The following MAML3 variants were observed in gnomAD, a reference collection of about 807,000 sequenced individuals.
MAML3 encodes mastermind-like protein 3.
A neutral mutation model predicts 101.9 loss-of-function variants in MAML3; 27 were observed. The ratio of observed to expected loss-of-function variants is 0.27; its 90% confidence interval spans 0.20 to 0.37. The LOEUF (loss-of-function observed/expected upper bound fraction) is 0.37, where lower values mean the gene tolerates loss of function less well. Ranked by LOEUF, MAML3 falls within the 10% of genes least tolerant of loss-of-function variation. The pLI, the probability that MAML3 is intolerant of heterozygous loss-of-function variation, is 1.00. For synonymous variants in MAML3, 501 were observed against 555.9 expected (o/e 0.90, Z 1.39); for missense variants, 1,316 against 1,444.9 (o/e 0.91, Z 1.45).
chr4:139,723,041 C>T (rs1728300241), intron 4 of MAML3, among the ~76,000 whole-genome samples: 1 of 152,188 alleles, frequency 6.6e-6, no homozygotes, highest in Non-Finnish European at 1.5e-5. Context: ...TAATTTAGCC[C>T]CAAAGGTGAA....
At chr4:139,885,481 T>C (rs1020819168) in intron 2 of MAML3, among the ~76,000 whole-genome samples, 2 of 152,106 alleles carry the variant, frequency 1.3e-5, no homozygotes, top group Non-Finnish European at 2.9e-5. Flanking sequence ...ACATATTCTA[T>C]GCCTGTAACA....
intron 2 of MAML3, among the ~76,000 whole-genome samples, chr4:139,847,232 T>C (rs1289632805): frequency 6.6e-6 from 1 of 152,064 alleles, no homozygotes; most frequent in Non-Finnish European, 1.5e-5. Context: ...AACAAAAATA[T>C]ATATATGGTT....
Position 139,864,421 on chromosome 4 carries a change from G to A in MAML3, c.2079+24936C>T, listed in dbSNP as rs546622214. On this transcript the variant is annotated intron_variant, in intron 2 of 4. Transcript: ENST00000509479. ...GGGCCAGGTGCGGCGGCTCACGCCTGTAATCCCAGCACTTTGGGAGGCCGA... is the reference window on the plus strand; with the variant it reads ...GGGCCAGGTGCGGCGGCTCACGCCTATAATCCCAGCACTTTGGGAGGCCGA... 5.3e-5 allele frequency among the ~76,000 whole-genome samples: 8 copies of A among 152,268 alleles called. No individual in the cohort carries two copies. The East Asian group carries it at 1.5e-3, about 29-fold the overall frequency.
rs373367746 is a variant in MAML3, at chr4:140,113,505, C to T, written c.468+39355G>A. 3.9e-5 allele frequency among the ~76,000 whole-genome samples: 6 copies of T among 152,232 alleles called. No individual in the cohort carries two copies. The South Asian group carries it at 1.0e-3, about 26-fold the overall frequency. On this transcript the variant is annotated intron_variant, in intron 1 of 4. Transcript: ENST00000509479. ...GCACTGTAGTAGACTATTTCTTCAA[C>T]GATGCCAGTCAGCCCTTCCACTGTT...
intron 1 of MAML3, among the ~76,000 whole-genome samples, chr4:140,104,408 A>ATATAATATATATATATTATATATG (rs368174569): frequency 3.6e-5 from 2 of 54,970 alleles, no homozygotes; most frequent in East Asian, 7.4e-4. Flanking sequence ...TATAATATAT[A>ATATAATATATATATATTATATATG]ATATAATATA....
intron 1 of MAML3, among the ~76,000 whole-genome samples, chr4:140,057,621 T>C (rs1364600880): frequency 6.6e-6 from 1 of 152,194 alleles, no homozygotes; most frequent in African/African-American, 2.4e-5. Context: ...AAATACCATA[T>C]TCTTGATGGT....
At chr4:140,035,860 C>T (rs932696968) in intron 1 of MAML3, among the ~76,000 whole-genome samples, 7 of 151,908 alleles carry the variant, frequency 4.6e-5, no homozygotes, top group African/African-American at 9.7e-5. Context: ...TGAGGTTGAA[C>T]GGTAATGCTT....
chr4:139,994,784 G>GT (rs1560860698), intron 1 of MAML3, among the ~76,000 whole-genome samples: 8 of 38,768 alleles, frequency 2.1e-4, no homozygotes, highest in African/African-American at 9.7e-5. Flanking sequence ...GTGCTGGTGG[G>GT]GGGTGTGTGT....
intron 1 of MAML3, among the ~76,000 whole-genome samples, chr4:140,101,956 A>G (rs1728259679): frequency 6.8e-6 from 1 of 147,764 alleles, no homozygotes; most frequent in Admixed American, 6.8e-5. Flanking sequence ...TGAAAAAGAG[A>G]TAACACAAGT....
chr4:139,901,625 C>T (rs139550386), intron 1 of MAML3, among the ~76,000 whole-genome samples: 186 of 152,208 alleles, frequency 1.2e-3, no homozygotes, highest in African/African-American at 4.3e-3. Flanking sequence ...GGCTTTCCTC[C>T]CCATAAGGGA....
At chr4:139,813,663 T>C (rs1202841445) in intron 2 of MAML3, among the ~76,000 whole-genome samples, 8 of 152,150 alleles carry the variant, frequency 5.3e-5, no homozygotes, top group Admixed American at 4.6e-4. Flanking sequence ...TCCACTGAAA[T>C]GGGGACTAAA....
chr4:140,146,036 G>A (rs57334639), intron 1 of MAML3, among the ~76,000 whole-genome samples: 6,413 of 151,108 alleles, frequency 0.042, 428 homozygotes, highest in African/African-American at 0.15. Flanking sequence ...ACCATCCCCA[G>A]CTAATTTTTG....
chr4:139,916,514 A>G (rs1237399890), intron 1 of MAML3, among the ~76,000 whole-genome samples: 1 of 152,192 alleles, frequency 6.6e-6, no homozygotes, highest in African/African-American at 2.4e-5. Flanking sequence ...GGATATCACT[A>G]CTGAAGCGCC....
chr4:140,087,276 C>T (rs367902623), intron 1 of MAML3, among the ~76,000 whole-genome samples: 10 of 152,314 alleles, frequency 6.6e-5, no homozygotes, highest in African/African-American at 2.4e-4. Context: ...AGGGTCCATG[C>T]TATCTTATAT....
At chr4:139,901,153 T>A (rs1182444653) in intron 1 of MAML3, among the ~76,000 whole-genome samples, 2 of 152,246 alleles carry the variant, frequency 1.3e-5, no homozygotes, top group African/African-American at 2.4e-5. Flanking sequence ...CAGATCTGGC[T>A]GATTCACAGA....
chr4:139,950,080 G>A (rs1733807442), intron 1 of MAML3, among the ~76,000 whole-genome samples: 1 of 152,106 alleles, frequency 6.6e-6, no homozygotes, highest in South Asian at 2.1e-4. Flanking sequence ...TTGATCTGTT[G>A]CCCAGGCTGG....
intron 2 of MAML3, among the ~76,000 whole-genome samples, chr4:139,842,565 C>A (rs1202919956): frequency 6.6e-6 from 1 of 152,014 alleles, no homozygotes; most frequent in Non-Finnish European, 1.5e-5. Flanking sequence ...GCCACCCAGG[C>A]TGGAGTGCAG....
chr4:139,753,565 G>A (rs1428839475), intron 2 of MAML3, among the ~76,000 whole-genome samples: 1 of 152,104 alleles, frequency 6.6e-6, no homozygotes, highest in Non-Finnish European at 1.5e-5. Flanking sequence ...AAACTACCAT[G>A]AAAATAAAAT....
chr4:140,059,957 A>T (rs1578663676), intron 1 of MAML3, among the ~76,000 whole-genome samples: 1 of 152,380 alleles, frequency 6.6e-6, no homozygotes, highest in East Asian at 1.9e-4. Context: ...AATTTTTGAT[A>T]TGATGTGATA....
Sources: allele counts gnomAD v4.1 joint callset (sites outside exome capture counted in the v4.1 genomes callset), GRCh38; gene constraint gnomAD v4.1.1; transcripts MANE v1.5; gene names NCBI Gene and HGNC (gene_info 2026-07-23, HGNC 2026-07-21).